The following CNTNAP2 variants were observed in gnomAD, a reference collection of about 807,000 sequenced individuals.
The protein encoded by CNTNAP2 is contactin associated protein 2.
A neutral mutation model predicts 155.2 loss-of-function variants in CNTNAP2; 98 were observed. The ratio of observed to expected loss-of-function variants is 0.63; its 90% CI spans 0.54 to 0.75. The LOEUF is 0.75. Ranked by LOEUF, CNTNAP2 falls within the 30% of genes least tolerant of loss-of-function variation. The pLI is 0.00. For missense variants in CNTNAP2, 1,727 were observed against 1,688.1 expected (o/e 1.02, Z -0.40); for synonymous variants, 651 against 631.2 (o/e 1.03, Z -0.47).
chr7:146,147,770 C>T (rs973221217), intron 1 of CNTNAP2, among the ~76,000 whole-genome samples: 1 of 152,106 alleles, frequency 6.6e-6, no homozygotes, highest in Non-Finnish European at 1.5e-5. Flanking sequence ...ATACAGTGAA[C>T]ATTACAAATA....
chr7:147,250,434 G>A (rs1342438647), intron 8 of CNTNAP2, among the ~76,000 whole-genome samples: 1 of 152,158 alleles, frequency 6.6e-6, no homozygotes, highest in East Asian at 1.9e-4. Flanking sequence ...TCTTCAGCGT[G>A]AGGATCGAAT....
intron 2 of CNTNAP2, among the ~76,000 whole-genome samples, chr7:146,796,954 G>A (rs1802781525): frequency 6.6e-6 from 1 of 152,046 alleles, no homozygotes; most frequent in South Asian, 2.1e-4. Context: ...GTCTAAGACC[G>A]TGAAACCCTG....
intron 13 of CNTNAP2, among the ~76,000 whole-genome samples, chr7:147,867,432 T>A (rs182399890): frequency 6.6e-6 from 1 of 152,264 alleles, no homozygotes; most frequent in East Asian, 1.9e-4. Flanking sequence ...TACCTTGGAG[T>A]GGCTCTTCTT....
intron 10 of CNTNAP2, among the ~76,000 whole-genome samples, chr7:147,484,344 T>C (rs1444815273): frequency 1.3e-5 from 2 of 152,220 alleles, no homozygotes; most frequent in African/African-American, 2.4e-5. Flanking sequence ...TGTCCATTCA[T>C]TGAGTCTCAA....
At position 146,926,175 on chromosome 7, in the gene CNTNAP2, A is replaced by C. The variant is rs114108465; in HGVS notation, c.402+86271A>C. 7.0e-3 allele frequency among the ~76,000 whole-genome samples: 1,062 copies of C among 152,234 alleles called. 9 individuals are homozygous for C. The highest frequency in any genetic ancestry group is 0.024 in the African/African-American group (993 of 41,550). On this transcript the variant is annotated intron_variant, in intron 3 of 23. Coordinates refer to ENST00000361727, the MANE Select transcript of CNTNAP2 (RefSeq NM_014141.6). ...ATCTTTCAGAATATTTTATTATTAA[A>C]TAACTAACCATGAATTCTTATATTT...
intron 8 of CNTNAP2, 140 bp downstream of exon 8, chr7:147,132,649 T>A: frequency 8.6e-7 from 1 of 1,158,140 alleles, no homozygotes; most frequent in South Asian, 1.3e-5. Context: ...TACTTGGTTG[T>A]AGTGTGTGCT....
At chr7:147,703,464 A>G (rs1200468943) in intron 13 of CNTNAP2, among the ~76,000 whole-genome samples, 1 of 152,198 alleles carries the variant, frequency 6.6e-6, no homozygotes, top group Non-Finnish European at 1.5e-5. Context: ...ATTGCTGTTT[A>G]GGACAACAGA....
rs886062067 is a variant in CNTNAP2, at chr7:148,418,315, C to T, written c.*2699C>T. On this transcript the variant is annotated 3_prime_UTR_variant, in exon 24 of 24. Coordinates refer to ENST00000361727, the MANE Select transcript of CNTNAP2 (RefSeq NM_014141.6). ...TAACCATGACATTCCCGCCCAAGCT[C>T]TCAGTGCCTAATCCTGCTTTGTCAT... is the stretch of plus-strand genomic sequence containing the variant. 1 of 152,248 alleles carries T rather than the reference C, an allele frequency of 6.6e-6. No homozygotes were observed. The highest frequency in any genetic ancestry group is 1.5e-5 in the Non-Finnish European group (1 of 68,042). 9.4% of individuals were successfully genotyped at this position (152,248 alleles called of 1,614,324 possible).
chr7:146,780,208 C>T (rs547419152), intron 2 of CNTNAP2, among the ~76,000 whole-genome samples: 1 of 150,588 alleles, frequency 6.6e-6, no homozygotes, highest in African/African-American at 2.4e-5. Context: ...TTTTTTGAGA[C>T]GGAGTCTCTC....
At chr7:148,136,844 G>T (rs1392869724) in intron 16 of CNTNAP2, among the ~76,000 whole-genome samples, 1 of 152,084 alleles carries the variant, frequency 6.6e-6, no homozygotes, top group East Asian at 1.9e-4. Context: ...AGTCCTAAAA[G>T]GGTTCTCACG....
chr7:146,368,120 T>C (rs891729401), intron 1 of CNTNAP2, among the ~76,000 whole-genome samples: 1 of 152,164 alleles, frequency 6.6e-6, no homozygotes, highest in Non-Finnish European at 1.5e-5. Flanking sequence ...CTCCTCAGCA[T>C]ACCTGATCCT....
intron 18 of CNTNAP2, among the ~76,000 whole-genome samples, chr7:148,200,729 T>G (rs1277003180): frequency 6.6e-6 from 1 of 152,198 alleles, no homozygotes; most frequent in African/African-American, 2.4e-5. Context: ...AGATCTTTCT[T>G]GTAGGCAAGA....
intron 3 of CNTNAP2, among the ~76,000 whole-genome samples, chr7:146,988,757 A>G (rs1174600888): frequency 6.6e-6 from 1 of 152,216 alleles, no homozygotes; most frequent in African/African-American, 2.4e-5. Context: ...CTTATCAAGA[A>G]TCATGTAATA....
intron 8 of CNTNAP2, among the ~76,000 whole-genome samples, chr7:147,176,843 TTATAA>T (rs1563103954): frequency 2.4e-5 from 3 of 125,556 alleles, no homozygotes; most frequent in Admixed American, 9.2e-5. Flanking sequence ...TAATTATATA[TTATAA>T]TATATAATAG....
At chr7:147,636,943 C>T (rs561331991) in intron 12 of CNTNAP2, among the ~76,000 whole-genome samples, 2 of 152,062 alleles carry the variant, frequency 1.3e-5, no homozygotes, top group African/African-American at 4.8e-5. Flanking sequence ...CTGAGGGTGC[C>T]GAGGAAAGAC....
At chr7:146,616,886 C>T (rs1307111315) in intron 1 of CNTNAP2, among the ~76,000 whole-genome samples, 1 of 152,038 alleles carries the variant, frequency 6.6e-6, no homozygotes, top group Non-Finnish European at 1.5e-5. Flanking sequence ...AGATTAGATA[C>T]AGTTTATTCC....
intron 15 of CNTNAP2, among the ~76,000 whole-genome samples, chr7:148,027,944 A>G (rs7800075): frequency 0.084 from 12,844 of 152,146 alleles, 688 homozygotes; most frequent in East Asian, 0.29. Context: ...GTCACCTTCC[A>G]TTCTCTCCCA....
At chr7:146,691,296 A>G (rs1017665687) in intron 1 of CNTNAP2, among the ~76,000 whole-genome samples, 13 of 152,124 alleles carry the variant, frequency 8.5e-5, no homozygotes, top group African/African-American at 2.9e-4. Flanking sequence ...TCGATTTACA[A>G]TGGAGTCACA....
chr7:146,366,429 A>G (rs929326835), intron 1 of CNTNAP2, among the ~76,000 whole-genome samples: 3 of 152,150 alleles, frequency 2.0e-5, no homozygotes, highest in Admixed American at 6.6e-5. Context: ...CGGACAAGGC[A>G]CGTCAATTGC....
Sources: gnomAD v4.1 joint callset for allele counts (sites outside exome capture counted in the v4.1 genomes callset) on GRCh38, gnomAD v4.1.1 for gene constraint, MANE v1.5 for transcripts, NCBI Gene and HGNC (gene_info 2026-07-23, HGNC 2026-07-21) for gene names.